The following RBBP8 variants were observed in gnomAD, a reference collection of about 807,000 sequenced individuals.
The protein encoded by RBBP8 is RB binding protein 8, endonuclease.
Under a neutral mutation model 108.3 loss-of-function variants are expected in RBBP8, and 88 were observed. The ratio of observed to expected loss-of-function variants is 0.81; its 90% CI spans 0.68 to 0.97. The LOEUF is 0.97. Ranked by LOEUF, RBBP8 falls within the 50% of genes least tolerant of loss-of-function variation. The pLI, the probability that RBBP8 is intolerant of heterozygous loss-of-function variation, is 0.00. For synonymous variants in RBBP8, 332 were observed against 348.2 expected, an observed-to-expected ratio of 0.95 and a Z score of 0.52; for missense variants, 1,023 against 1,049.0, an observed-to-expected ratio of 0.98 and a Z score of 0.34.
chr18:22,959,477 ACTCAAAGT>A (rs1445385108), intron 4 of RBBP8, among the ~76,000 whole-genome samples: 4 of 151,832 alleles, frequency 2.6e-5, no homozygotes, highest in Non-Finnish European at 5.9e-5. Flanking sequence ...AAAAACTAGC[ACTCAAAGT>A]CTGGTAATTT....
intron 2 of RBBP8, 48 bp downstream of exon 2, chr18:22,937,008 A>G: frequency 6.2e-7 from 1 of 1,609,474 alleles, no homozygotes; most frequent in Admixed American, 1.7e-5. Flanking sequence ...TTGAGACTGT[A>G]GTGGCTTTGT....
At chr18:23,014,324 G>A (rs2046221166) in intron 16 of RBBP8, among the ~76,000 whole-genome samples, 1 of 152,138 alleles carries the variant, frequency 6.6e-6, no homozygotes, top group South Asian at 2.1e-4. Flanking sequence ...CAGTTTGTAA[G>A]GCTATCCCTG....
At chr18:22,967,562 G>A (rs1258183401) in intron 4 of RBBP8, among the ~76,000 whole-genome samples, 19 of 151,500 alleles carry the variant, frequency 1.3e-4, no homozygotes, top group Admixed American at 1.2e-3. Flanking sequence ...TTAACATTTT[G>A]GAATATAACT....
intron 4 of RBBP8, among the ~76,000 whole-genome samples, chr18:22,957,153 T>C (rs1912630085): frequency 6.6e-6 from 1 of 152,202 alleles, no homozygotes; most frequent in African/African-American, 2.4e-5. Context: ...CTGTTATTCA[T>C]AGATTTGAAT....
intron 14 of RBBP8, 80 bp from the exon 15 acceptor site, chr18:23,001,506 G>C (rs987748609): frequency 6.7e-7 from 1 of 1,487,200 alleles, no homozygotes; most frequent in African/African-American, 1.4e-5. Context: ...TTATTGTGTG[G>C]TAGTTACTAC....
chr18:22,994,772 G>A (rs1417657574), intron 12 of RBBP8, among the ~76,000 whole-genome samples: 2 of 151,936 alleles, frequency 1.3e-5, no homozygotes, highest in African/African-American at 4.8e-5. Flanking sequence ...CACCCAGACT[G>A]GAGTGCAGTG....
At chr18:23,009,482 T>C (rs965166863) in intron 16 of RBBP8, among the ~76,000 whole-genome samples, 4 of 150,662 alleles carry the variant, frequency 2.7e-5, no homozygotes, top group Admixed American at 6.6e-5. Flanking sequence ...TTTTTTTCTT[T>C]TCATATTTAA....
At chr18:22,946,377 A>T in intron 2 of RBBP8, 67 bp from the exon 3 acceptor site, 9 of 1,593,068 alleles carry the variant, frequency 5.6e-6, no homozygotes, top group Non-Finnish European at 7.7e-6. Context: ...GATGTGACTT[A>T]ATAGTGGAGC....
Position 22,968,890 on chromosome 18 carries a change from G to A in RBBP8, c.333G>A (p.Gln111=). The part of the protein sequence containing the change: ...KKQQEFENIR[Q]QNLKLITELM... ...AGCAAGAGTTTGAAAATATCCGGCAGCAGAATCTTAAACTTATTACAGAAC... is the reference window on the plus strand; with the variant it reads ...AGCAAGAGTTTGAAAATATCCGGCAACAGAATCTTAAACTTATTACAGAAC... The change falls in exon 5 of 19, where the codon CAG becomes CAA. Residue 111 remains glutamine (Q), a synonymous_variant. Coordinates refer to ENST00000327155, the MANE Select transcript of RBBP8 (RefSeq NM_002894.3). The A allele has an allele frequency of 6.2e-7, 1 of 1,612,788 alleles. No individual in the cohort carries two copies. The highest frequency in any genetic ancestry group is 8.5e-7 in the Non-Finnish European group (1 of 1,179,020).
In RBBP8 at chr18:23,022,286, G is replaced by C. The variant is rs750474457; in HGVS notation, c.2596+16G>C. 1.2e-5 allele frequency: 19 copies of C among 1,593,724 alleles called. No homozygotes were observed. In the Admixed American group the frequency reaches 3.2e-4, roughly 27 times the overall value. Reference sequence around the variant, plus strand: ...ATGGAAAGAGGTGAGAGTATAGATTGTAACATTTTATAATTATTTTTTTTA... The same window carrying C: ...ATGGAAAGAGGTGAGAGTATAGATTCTAACATTTTATAATTATTTTTTTTA... On this transcript the variant is annotated intron_variant, in intron 18 of 18. Transcript: ENST00000327155.
chr18:23,022,651 T>TAAAAAAAA (rs370599195), intron 18 of RBBP8, among the ~76,000 whole-genome samples: 1 of 84,372 alleles, frequency 1.2e-5, no homozygotes, highest in African/African-American at 5.8e-5. Context: ...TAAAATACAA[T>TAAAAAAAA]ATAAAATAAA....
intron 8 of RBBP8, among the ~76,000 whole-genome samples, chr18:22,988,526 G>T (rs1449333080): frequency 6.6e-6 from 1 of 152,106 alleles, no homozygotes; most frequent in African/African-American, 2.4e-5. Context: ...GTCAGCTTAG[G>T]CATCACTTGT....
At chr18:22,950,472 A>G (rs1055945313) in intron 4 of RBBP8, among the ~76,000 whole-genome samples, 1 of 151,262 alleles carries the variant, frequency 6.6e-6, no homozygotes, top group African/African-American at 2.4e-5. Context: ...AGTTTCAGCT[A>G]CTCTAGAGGA....
At position 22,993,562 on chromosome 18, in the gene RBBP8, G is replaced by A. The variant is rs1915856190; in HGVS notation, c.1735G>A (p.Glu579Lys). 1 of 1,613,378 alleles carries A rather than the reference G, an allele frequency of 6.2e-7. No homozygotes were observed. Among genetic ancestry groups the A allele is most frequent in the Non-Finnish European group, 8.5e-7 (1 of 1,179,872 alleles). The change falls in exon 11 of 19, where the codon GAA becomes AAA. Residue 579 changes from glutamate to lysine, a missense_variant. Physicochemically the swap from Glu to Lys is moderately conservative, Grantham distance 56 (BLOSUM62 1). Transcript: ENST00000327155. Reference sequence around the variant, plus strand: ...CAATAAACCATCATTACAAATAAAAGAAGAAAATGCTGTCTTTAAAATTCC... The same window carrying A: ...CAATAAACCATCATTACAAATAAAAAAAGAAAATGCTGTCTTTAAAATTCC... The part of the protein sequence containing the change: ...PDNKPSLQIK[E>K]ENAVFKIPLR...
rs1910175239 is a variant in RBBP8 at position 22,933,388 on chromosome 18, AG to A, written c.-274del. 6.5e-6 allele frequency: 1 copy of A among 152,966 alleles called. No individual in the cohort carries two copies. The highest frequency in any genetic ancestry group is 1.5e-5 in the Non-Finnish European group (1 of 68,100). The allele number at this position is 152,966 out of a possible 1,614,324, so 9.5% of individuals were successfully genotyped here. ...CCGGCCGCCTCCGAGCCCGGCCGGC[AG>A]CCCCCGGCCTTAAAGCGCGGGCTGT... is the stretch of plus-strand genomic sequence containing the variant. On this transcript the variant is annotated 5_prime_UTR_variant, in exon 1 of 19. Coordinates refer to ENST00000327155, the MANE Select transcript of RBBP8 (RefSeq NM_002894.3).
intron 12 of RBBP8, among the ~76,000 whole-genome samples, chr18:22,994,607 A>C (rs888695117): frequency 1.9e-4 from 29 of 149,478 alleles, no homozygotes; most frequent in Non-Finnish European, 3.9e-4. Flanking sequence ...GTGCCACTGC[A>C]CTGCACTCCA....
upstream of RBBP8, among the ~76,000 whole-genome samples, chr18:22,930,135 C>T (rs909703391): frequency 6.6e-6 from 1 of 152,178 alleles, no homozygotes; most frequent in African/African-American, 2.4e-5. Flanking sequence ...GTCTGTACTG[C>T]TATCACACAA....
intron 15 of RBBP8, chr18:23,004,884 C>G (rs939296402): frequency 6.6e-6 from 1 of 152,410 alleles, no homozygotes; most frequent in African/African-American, 2.4e-5. Context: ...ATAAGGGAGC[C>G]GGGCACAGTG....
intron 5 of RBBP8, among the ~76,000 whole-genome samples, chr18:22,971,220 C>T (rs988590118): frequency 6.6e-6 from 1 of 152,106 alleles, no homozygotes; most frequent in Non-Finnish European, 1.5e-5. Context: ...CAGGAACCAC[C>T]CCGACCCTCC....
Sources: allele counts gnomAD v4.1 joint callset (sites outside exome capture counted in the v4.1 genomes callset), GRCh38; gene constraint gnomAD v4.1.1; transcripts MANE v1.5; gene names NCBI Gene and HGNC (gene_info 2026-07-23, HGNC 2026-07-21).